ADAMTSL1: variants seen among roughly 807,000 people sequenced by gnomAD.
The protein encoded by ADAMTSL1 is ADAMTS like 1, also known as ADAMTS-like protein 1.
ADAMTSL1 carries 126 observed loss-of-function variants against 201.8 expected under a neutral mutation model. The observed-to-expected ratio is 0.62, with a 90% CI of 0.54 to 0.72. The LOEUF is 0.72. Ranked by LOEUF, ADAMTSL1 falls within the 30% of genes least tolerant of loss-of-function variation. The pLI, the probability that ADAMTSL1 is intolerant of heterozygous loss-of-function variation, is 0.00. For synonymous variants in ADAMTSL1, 1,121 were observed against 903.4 expected, an observed-to-expected ratio of 1.24 and a Z score of -4.32; for missense variants, 2,679 against 2,277.8, an observed-to-expected ratio of 1.18 and a Z score of -3.59.
At chr9:18,179,251 C>A (rs999119097) in intron 2 of ADAMTSL1, among the ~76,000 whole-genome samples, 56 of 152,038 alleles carry the variant, frequency 3.7e-4, no homozygotes, top group Middle Eastern at 6.8e-3. Flanking sequence ...GGAGCCGATG[C>A]GATCAACTGG....
chr9:18,151,009 G>C (rs778940682), intron 1 of ADAMTSL1, among the ~76,000 whole-genome samples: 1 of 151,884 alleles, frequency 6.6e-6, no homozygotes, highest in Admixed American at 6.6e-5. Flanking sequence ...GAAGCTAACC[G>C]GGAAGTGCAG....
intron 2 of ADAMTSL1, among the ~76,000 whole-genome samples, chr9:18,416,134 C>A (rs1192149231): frequency 1.3e-5 from 2 of 152,160 alleles, no homozygotes; most frequent in African/African-American, 2.4e-5. Context: ...AAATGGATAA[C>A]TACAAGGGTA....
At chr9:18,354,612 G>A (rs1243104604) in intron 2 of ADAMTSL1, among the ~76,000 whole-genome samples, 1 of 152,130 alleles carries the variant, frequency 6.6e-6, no homozygotes, top group Non-Finnish European at 1.5e-5. Context: ...GCAGACAGTA[G>A]GCAACACAGT....
At chr9:18,737,949 C>A (rs765786610) in intron 15 of ADAMTSL1, among the ~76,000 whole-genome samples, 1 of 152,162 alleles carries the variant, frequency 6.6e-6, no homozygotes, top group Non-Finnish European at 1.5e-5. Flanking sequence ...TTGAGCAAGT[C>A]ATTTAACCCC....
At chr9:18,695,453 C>T (rs974759567) in intron 13 of ADAMTSL1, among the ~76,000 whole-genome samples, 5 of 152,150 alleles carry the variant, frequency 3.3e-5, no homozygotes, top group African/African-American at 9.7e-5. Context: ...ATATAAGTTC[C>T]AGTTTCAGGT....
At chr9:17,967,307 C>G (rs1464662520) in intron 1 of ADAMTSL1, among the ~76,000 whole-genome samples, 2 of 152,074 alleles carry the variant, frequency 1.3e-5, no homozygotes, top group African/African-American at 4.8e-5. Context: ...TGTACTCCTG[C>G]CACATTATTT....
chr9:18,231,915 G>T (rs150312075), intron 2 of ADAMTSL1, among the ~76,000 whole-genome samples: 310 of 152,182 alleles, frequency 2.0e-3, no homozygotes, highest in Non-Finnish European at 3.5e-3. Context: ...GACCACTCTG[G>T]TCTAAGCCAA....
At chr9:18,313,461 G>T (rs1245505245) in intron 2 of ADAMTSL1, among the ~76,000 whole-genome samples, 1 of 152,048 alleles carries the variant, frequency 6.6e-6, no homozygotes, top group African/African-American at 2.4e-5. Flanking sequence ...GAATCATAGA[G>T]AGTTTTTAAA....
chr9:17,939,865 G>A (rs34976244), intron 1 of ADAMTSL1, among the ~76,000 whole-genome samples: 22,064 of 152,104 alleles, frequency 0.15, 2,066 homozygotes, highest in East Asian at 0.36. Flanking sequence ...GGAGGCCTGA[G>A]AGGACATGAA....
At chr9:18,662,640 C>G (rs1829174898) in intron 9 of ADAMTSL1, among the ~76,000 whole-genome samples, 1 of 152,152 alleles carries the variant, frequency 6.6e-6, no homozygotes, top group Admixed American at 6.5e-5. Flanking sequence ...CTTAAAAGGT[C>G]TTTGAAAGTA....
Position 18,305,044 on chromosome 9 carries a change from A to G in ADAMTSL1, c.207+141063A>G, listed in dbSNP as rs563558313. ...TTGGGCCTGGTTAGACAGTGGGTGC[A>G]GCCCATGGATGGGGAGCTGAAGCAG... is the stretch of plus-strand genomic sequence containing the variant. On this transcript the variant is annotated intron_variant, in intron 2 of 29. Transcript: ENST00000680146. 2.6e-5 allele frequency among the ~76,000 whole-genome samples: 4 copies of G among 152,266 alleles called. No homozygotes were observed. In the South Asian group the frequency reaches 8.3e-4, roughly 32 times the overall value.
At chr9:17,963,414 C>T (rs753404803) in intron 1 of ADAMTSL1, among the ~76,000 whole-genome samples, 11 of 152,226 alleles carry the variant, frequency 7.2e-5, no homozygotes, top group African/African-American at 1.9e-4. Context: ...TTCAGGATGA[C>T]ATTTTATTAG....
chr9:18,243,212 C>A (rs752878087), intron 2 of ADAMTSL1, among the ~76,000 whole-genome samples: 6 of 152,054 alleles, frequency 3.9e-5, no homozygotes, highest in Non-Finnish European at 5.9e-5. Flanking sequence ...ACAAGGGAAC[C>A]AAGAGGATAC....
In ADAMTSL1 at chr9:18,686,879, A is replaced by G. The variant is rs557146399; in HGVS notation, c.1574+2079A>G. Among the ~76,000 whole-genome samples the G allele has an allele frequency of 1.9e-4, 29 of 152,348 alleles. No homozygotes were observed. In the East Asian group the frequency reaches 5.6e-3, roughly 29 times the overall value. ...TTTTGTCATGAATATTTTCTACTAA[A>G]GATCCGATTAAGATGCATTACGTTT... On this transcript the variant is annotated intron_variant, in intron 13 of 28. Coordinates refer to ENST00000380548, the MANE Select transcript of ADAMTSL1 (RefSeq NM_001040272.6).
chr9:18,042,123 C>T (rs1821452590), intron 1 of ADAMTSL1, among the ~76,000 whole-genome samples: 2 of 148,772 alleles, frequency 1.3e-5, no homozygotes, highest in South Asian at 4.2e-4. Flanking sequence ...CTTACGAACA[C>T]TAAGAAAGTG....
At chr9:18,522,035 A>G (rs1234680877) in intron 2 of ADAMTSL1, among the ~76,000 whole-genome samples, 2 of 152,310 alleles carry the variant, frequency 1.3e-5, no homozygotes, top group African/African-American at 2.4e-5. Flanking sequence ...CTTTACACAC[A>G]GGGTCCAGTG....
intron 15 of ADAMTSL1, among the ~76,000 whole-genome samples, chr9:18,745,882 T>A (rs1186276252): frequency 6.6e-6 from 1 of 152,214 alleles, no homozygotes; most frequent in Non-Finnish European, 1.5e-5. Context: ...CCTGAATATT[T>A]GACTCCCAGC....
At chr9:18,009,101 C>G (rs542415903) in intron 1 of ADAMTSL1, among the ~76,000 whole-genome samples, 1 of 151,998 alleles carries the variant, frequency 6.6e-6, no homozygotes, top group Non-Finnish European at 1.5e-5. Context: ...CATGCCCTTA[C>G]TCATTTCACC....
At chr9:18,607,622 A>G (rs1436243565) in intron 4 of ADAMTSL1, among the ~76,000 whole-genome samples, 1 of 152,038 alleles carries the variant, frequency 6.6e-6, no homozygotes, top group Admixed American at 6.6e-5. Context: ...ACATGTGCAC[A>G]ACATGCAGGT....
Sources: allele counts gnomAD v4.1 joint callset (sites outside exome capture counted in the v4.1 genomes callset), GRCh38; gene constraint gnomAD v4.1.1; transcripts MANE v1.5; gene names NCBI Gene and HGNC (gene_info 2026-07-23, HGNC 2026-07-21).